CPT1A: variants seen among roughly 807,000 people sequenced by gnomAD.
The protein encoded by CPT1A is carnitine palmitoyltransferase 1A.
In CPT1A, 64 loss-of-function variants were observed where a neutral mutation model predicts 100.8. The observed-to-expected ratio is 0.63, with a 90% CI of 0.52 to 0.78. The LOEUF (loss-of-function observed/expected upper bound fraction) is 0.78. Ranked by LOEUF, CPT1A falls within the 30% of genes least tolerant of loss-of-function variation. The pLI, the probability that CPT1A is intolerant of heterozygous loss-of-function variation, is 0.00. For synonymous variants in CPT1A, 363 were observed against 396.0 expected (o/e 0.92, Z 0.99); for missense variants, 802 against 1,034.1 (o/e 0.78, Z 3.08).
intron 1 of CPT1A, among the ~76,000 whole-genome samples, chr11:68,828,019 T>C (rs986207244): frequency 6.6e-6 from 1 of 152,208 alleles, no homozygotes; most frequent in African/African-American, 2.4e-5. Context: ...GCCTTGTCCA[T>C]GTTGCAGCAT....
At chr11:68,815,700 C>A (rs1856367352) in intron 1 of CPT1A, among the ~76,000 whole-genome samples, 1 of 152,214 alleles carries the variant, frequency 6.6e-6, no homozygotes, top group Non-Finnish European at 1.5e-5. Flanking sequence ...TGCTTAGAGC[C>A]CCAAGATGAT....
intron 1 of CPT1A, among the ~76,000 whole-genome samples, chr11:68,839,930 G>T (rs368123137): frequency 2.6e-5 from 4 of 152,224 alleles, no homozygotes; most frequent in Admixed American, 6.5e-5. Flanking sequence ...AACTCGAAAC[G>T]TTATTTTGGC....
chr11:68,821,303 C>A (rs898461218), intron 1 of CPT1A, among the ~76,000 whole-genome samples: 2 of 152,350 alleles, frequency 1.3e-5, no homozygotes, highest in African/African-American at 4.8e-5. Flanking sequence ...CAGGCCCCCA[C>A]CACCACGACT....
chr11:68,760,167 C>A (rs539739557), intron 17 of CPT1A, 58 bp downstream of exon 17: 14 of 1,233,800 alleles, frequency 1.1e-5, no homozygotes, highest in Non-Finnish European at 1.6e-5. Context: ...CCATCACACC[C>A]CATTACCCAT....
chr11:68,825,153 CG>C (rs1159595443), intron 1 of CPT1A, among the ~76,000 whole-genome samples: 1 of 151,956 alleles, frequency 6.6e-6, no homozygotes, highest in Non-Finnish European at 1.5e-5. Flanking sequence ...AATGGAGGGA[CG>C]GGTAGGAAGG....
chr11:68,757,295 G>C lies in CPT1A; in HGVS notation c.*349C>G. On this transcript the variant is annotated 3_prime_UTR_variant, in exon 19 of 19. Transcript: ENST00000265641. ...AAGCACTAGGCCTTCGGTTGCCACT[G>C]AGAAAGCACACCATTTCCATTCCAC... 8.5e-7 allele frequency: 1 copy of C among 1,174,066 alleles called. No homozygotes were observed. The highest frequency in any genetic ancestry group is 1.1e-6 in the Non-Finnish European group (1 of 941,980). The allele number at this position is 1,174,066 out of a possible 1,614,324, so 72.7% of individuals were successfully genotyped here. A position where few individuals can be genotyped will look rare whatever the true frequency, so the allele number is the denominator to read the frequency against.
At chr11:68,760,645 T>C (rs1946788649) in intron 16 of CPT1A, among the ~76,000 whole-genome samples, 1 of 152,158 alleles carries the variant, frequency 6.6e-6, no homozygotes, top group Admixed American at 6.5e-5. Flanking sequence ...GTGTCAGACT[T>C]GTACCAACTC....
intron 1 of CPT1A, among the ~76,000 whole-genome samples, chr11:68,826,283 T>G (rs1194958092): frequency 2.6e-5 from 4 of 151,518 alleles, no homozygotes; most frequent in African/African-American, 4.9e-5. Flanking sequence ...CTGTCACTAC[T>G]AAAAATACAA....
At chr11:68,837,402 T>G (rs561806044) in intron 1 of CPT1A, among the ~76,000 whole-genome samples, 1 of 152,136 alleles carries the variant, frequency 6.6e-6, no homozygotes, top group African/African-American at 2.4e-5. Context: ...CTGTGGTGAC[T>G]CAATGTGACC....
At chr11:68,764,548 A>G (rs919567518) in intron 14 of CPT1A, among the ~76,000 whole-genome samples, 1 of 151,994 alleles carries the variant, frequency 6.6e-6, no homozygotes, top group Non-Finnish European at 1.5e-5. Flanking sequence ...GACAGAGCAC[A>G]GGACCCACTC....
upstream of CPT1A, among the ~76,000 whole-genome samples, chr11:68,843,814 C>A (rs1337373405): frequency 4.6e-5 from 7 of 152,242 alleles, no homozygotes; most frequent in African/African-American, 1.7e-4. The surrounding 1 kb of genome is among the most constrained non-coding windows in gnomAD (Gnocchi z 4.0). Flanking sequence ...CCCCACGAGC[C>A]CGGGCGGCTC....
chr11:68,824,162 C>T (rs372758474), intron 1 of CPT1A, among the ~76,000 whole-genome samples: 64 of 150,744 alleles, frequency 4.2e-4, no homozygotes, highest in African/African-American at 1.2e-3. Flanking sequence ...GCAGGAGAAT[C>T]GCTTGAACCT....
chr11:68,838,588 A>AAAAAAAAAAAAAAC (rs1857078988), intron 1 of CPT1A, among the ~76,000 whole-genome samples: 1 of 149,102 alleles, frequency 6.7e-6, no homozygotes, highest in Non-Finnish European at 1.5e-5. Context: ...AAAAAAAAAA[A>AAAAAAAAAAAAAAC]AAACAGAGAC....
At chr11:68,819,974 T>C (rs545935884) in intron 1 of CPT1A, among the ~76,000 whole-genome samples, 7 of 152,212 alleles carry the variant, frequency 4.6e-5, no homozygotes, top group Non-Finnish European at 7.3e-5. Flanking sequence ...AACACTGATA[T>C]AGCCGCACCT....
chr11:68,781,294 G>A (rs1855305250), intron 11 of CPT1A, among the ~76,000 whole-genome samples: 8 of 152,190 alleles, frequency 5.3e-5, no homozygotes, highest in Admixed American at 5.2e-4. Flanking sequence ...AGCTCAGGCT[G>A]TGTATGTGTG....
At chr11:68,780,377 G>T (rs1479188633) in intron 12 of CPT1A, among the ~76,000 whole-genome samples, 1 of 152,170 alleles carries the variant, frequency 6.6e-6, no homozygotes, top group Non-Finnish European at 1.5e-5. Context: ...CTGTCTCCCG[G>T]GTTCAATCGA....
chr11:68,814,779 C>A (rs1287816493), intron 2 of CPT1A, among the ~76,000 whole-genome samples: 1 of 152,094 alleles, frequency 6.6e-6, no homozygotes, highest in Non-Finnish European at 1.5e-5. Flanking sequence ...CTCTGCCTCC[C>A]AGGTTCAAGT....
At chr11:68,799,706 T>G (rs1311319057) in intron 5 of CPT1A, among the ~76,000 whole-genome samples, 2 of 151,600 alleles carry the variant, frequency 1.3e-5, no homozygotes, top group Non-Finnish European at 2.9e-5. Context: ...CAGTGAGCCA[T>G]GATCATGCCA....
chr11:68,782,557 G>C (rs1306115968), intron 10 of CPT1A, among the ~76,000 whole-genome samples: 1 of 152,152 alleles, frequency 6.6e-6, no homozygotes, highest in Admixed American at 6.5e-5. Flanking sequence ...TCCACAAGGA[G>C]GTCTCCGTGC....
Sources: allele counts gnomAD v4.1 joint callset (sites outside exome capture counted in the v4.1 genomes callset), GRCh38; gene constraint gnomAD v4.1.1; non-coding constraint Gnocchi (gnomAD v3.1); transcripts MANE v1.5; gene names NCBI Gene and HGNC (gene_info 2026-07-23, HGNC 2026-07-21).